ASTN2: variants seen among roughly 807,000 people sequenced by gnomAD.
ASTN2 encodes the protein astrotactin-2.
Under a neutral mutation model 139.8 loss-of-function variants are expected in ASTN2, and 54 were observed. The observed-to-expected ratio is 0.39, with a 90% CI of 0.31 to 0.48. The LOEUF (loss-of-function observed/expected upper bound fraction) is 0.48. ASTN2 is among the 20% of genes least tolerant of loss of function. ASTN2 has a pLI of 0.95. For synonymous variants in ASTN2, 756 were observed against 719.5 expected, an observed-to-expected ratio of 1.05 and a Z score of -0.81; for missense variants, 1,565 against 1,725.1, an observed-to-expected ratio of 0.91 and a Z score of 1.64.
At chr9:117,116,905 C>T (rs925724262) in intron 4 of ASTN2, among the ~76,000 whole-genome samples, 1 of 116,222 alleles carries the variant, frequency 8.6e-6, no homozygotes, top group Non-Finnish European at 1.7e-5. Context: ...CTAACAATTA[C>T]ATAATGTAAG....
chr9:117,163,225 G>C (rs1026866014), intron 3 of ASTN2, among the ~76,000 whole-genome samples: 6 of 152,044 alleles, frequency 3.9e-5, no homozygotes, highest in Non-Finnish European at 8.8e-5. Flanking sequence ...GGAGCAGAAG[G>C]GAGGCCCACC....
At chr9:117,097,701 A>G (rs1040271942) in intron 4 of ASTN2, among the ~76,000 whole-genome samples, 8 of 152,214 alleles carry the variant, frequency 5.3e-5, no homozygotes, top group Admixed American at 1.3e-4. Context: ...CCTATTACCT[A>G]TTCAAAAATT....
intron 20 of ASTN2, among the ~76,000 whole-genome samples, chr9:116,444,483 T>C (rs1847927542): frequency 6.6e-6 from 1 of 152,146 alleles, no homozygotes; most frequent in South Asian, 2.1e-4. Context: ...CTATCATCTG[T>C]CTTACTCTAA....
chr9:116,632,365 T>C (rs755087723), intron 17 of ASTN2, among the ~76,000 whole-genome samples: 1 of 151,864 alleles, frequency 6.6e-6, no homozygotes, highest in African/African-American at 2.4e-5. Flanking sequence ...CTCAGCACTT[T>C]AAGAGGATTG....
At chr9:117,277,516 T>A (rs1834222788) in intron 2 of ASTN2, among the ~76,000 whole-genome samples, 9 of 152,182 alleles carry the variant, frequency 5.9e-5, no homozygotes, top group Admixed American at 5.9e-4. Context: ...AAACAGTAGA[T>A]AAATTCCTCA....
intron 20 of ASTN2, among the ~76,000 whole-genome samples, chr9:116,457,063 C>T (rs746842370): frequency 6.6e-5 from 10 of 152,098 alleles, no homozygotes; most frequent in African/African-American, 1.4e-4. Flanking sequence ...CCACAGTTAA[C>T]TCATTTTCAA....
chr9:117,031,238 G>A (rs924420648), intron 6 of ASTN2, among the ~76,000 whole-genome samples: 4 of 152,092 alleles, frequency 2.6e-5, no homozygotes, highest in Non-Finnish European at 4.4e-5. Context: ...CTCCTGCACT[G>A]TCATTCTTTT....
chr9:117,106,513 T>G (rs1829108608), intron 4 of ASTN2, among the ~76,000 whole-genome samples: 1 of 152,172 alleles, frequency 6.6e-6, no homozygotes. Flanking sequence ...CTACATATTT[T>G]TATTAATTCC....
At chr9:117,374,976 C>A (rs1419224124) in intron 1 of ASTN2, among the ~76,000 whole-genome samples, 1 of 152,202 alleles carries the variant, frequency 6.6e-6, no homozygotes, top group Non-Finnish European at 1.5e-5. Flanking sequence ...ACTCAGCTAC[C>A]AAGATCATCT....
At chr9:117,186,513 C>T (rs1020883982) in intron 3 of ASTN2, among the ~76,000 whole-genome samples, 8 of 151,970 alleles carry the variant, frequency 5.3e-5, no homozygotes, top group Non-Finnish European at 8.8e-5. Flanking sequence ...CGCCACTGCA[C>T]TCCAGCCTGG....
intron 13 of ASTN2, among the ~76,000 whole-genome samples, chr9:116,738,998 CACA>C (rs1278624831): frequency 7.9e-6 from 1 of 127,146 alleles, no homozygotes; most frequent in Non-Finnish European, 1.7e-5. Flanking sequence ...CTGCTTGAAA[CACA>C]ACATTCACTT....
At chr9:117,235,197 G>A (rs1015051471) in intron 2 of ASTN2, among the ~76,000 whole-genome samples, 1 of 149,676 alleles carries the variant, frequency 6.7e-6, no homozygotes, top group African/African-American at 2.5e-5. Flanking sequence ...TCACACCATC[G>A]CACTCCAGCC....
At chr9:117,344,982 T>G (rs1268126736) in intron 1 of ASTN2, among the ~76,000 whole-genome samples, 2 of 152,050 alleles carry the variant, frequency 1.3e-5, no homozygotes, top group Non-Finnish European at 2.9e-5. Context: ...TGGGGAACGT[T>G]TTTCTCCCTG....
rs140099823 is a variant in ASTN2 at position 116,630,712 on chromosome 9, C to T, written c.3073-10269G>A. On this transcript the variant is annotated intron_variant, in intron 17 of 22. Transcript: ENST00000313400. ...AAGCAAAAATAGACAAATAGGATTA[C>T]ATCAAATTAAAAATCTTCCTTTGTT... Among the ~76,000 whole-genome samples, 449 of 152,174 alleles carry T rather than the reference C, an allele frequency of 3.0e-3. 1 individual carries two copies. The highest frequency in any genetic ancestry group is 9.0e-3 in the African/African-American group (373 of 41,514).
chr9:116,841,418 A>AT (rs890391589), intron 11 of ASTN2, among the ~76,000 whole-genome samples: 3 of 151,990 alleles, frequency 2.0e-5, no homozygotes, highest in African/African-American at 7.3e-5. Flanking sequence ...TTTTATTTTT[A>AT]TTTTTTGTAG....
chr9:116,683,702 A>C (rs1301380233), intron 16 of ASTN2, among the ~76,000 whole-genome samples: 1 of 152,222 alleles, frequency 6.6e-6, no homozygotes, highest in East Asian at 1.9e-4. Flanking sequence ...AATGAGTAAA[A>C]AATACTTCCA....
At chr9:117,269,200 A>ATCC (rs1431883794) in intron 2 of ASTN2, among the ~76,000 whole-genome samples, 27 of 152,364 alleles carry the variant, frequency 1.8e-4, no homozygotes, top group Middle Eastern at 3.4e-3. Flanking sequence ...CATTTCAGCA[A>ATCC]AAGACGCTAG....
At position 116,948,300 on chromosome 9, in the gene ASTN2, A is replaced by T. The variant is rs148934107; in HGVS notation, c.1889+26908T>A. Among the ~76,000 whole-genome samples the T allele has an allele frequency of 1.6e-3, 251 of 152,278 alleles. 3 individuals are homozygous for T. The highest frequency in any genetic ancestry group is 5.7e-3 in the African/African-American group (237 of 41,570). ...TCCTCATCAAACATTAAATGTATTCATTTATTAGTGCATATCAGTATCAAA... is the reference window on the plus strand; with the variant it reads ...TCCTCATCAAACATTAAATGTATTCTTTTATTAGTGCATATCAGTATCAAA... On this transcript the variant is annotated intron_variant, in intron 10 of 22. Coordinates refer to ENST00000313400, the MANE Select transcript of ASTN2 (RefSeq NM_001365068.1).
At chr9:116,916,994 T>G (rs2132429434) in intron 10 of ASTN2, among the ~76,000 whole-genome samples, 1 of 152,262 alleles carries the variant, frequency 6.6e-6, no homozygotes, top group East Asian at 1.9e-4. Context: ...TATGGAGATT[T>G]TTTTTTTCTC....
Sources: gnomAD v4.1 joint callset for allele counts (sites outside exome capture counted in the v4.1 genomes callset) on GRCh38, gnomAD v4.1.1 for gene constraint, MANE v1.5 for transcripts, NCBI Gene and HGNC (gene_info 2026-07-23, HGNC 2026-07-21) for gene names.